PPP4R1: variants seen among roughly 807,000 people sequenced by gnomAD.
The protein encoded by PPP4R1 is protein phosphatase 4 regulatory subunit 1, also known as serine/threonine-protein phosphatase 4 regulatory subunit 1.
A neutral mutation model predicts 111.2 loss-of-function variants in PPP4R1; 42 were observed. The ratio of observed to expected loss-of-function variants is 0.38; its 90% CI spans 0.29 to 0.49. The LOEUF (loss-of-function observed/expected upper bound fraction) is 0.49. Among genes scored for constraint, PPP4R1 ranks in the 20% least tolerant of loss-of-function variants. PPP4R1 has a pLI of 0.97. For synonymous variants in PPP4R1, 409 were observed against 405.5 expected (o/e 1.01, Z -0.10); for missense variants, 1,012 against 1,161.6 (o/e 0.87, Z 1.87).
chr18:9,586,751 T>C (rs973343109), intron 6 of PPP4R1, among the ~76,000 whole-genome samples: 3 of 152,146 alleles, frequency 2.0e-5, no homozygotes, highest in African/African-American at 7.2e-5. Context: ...ACTCTTACTA[T>C]CCAAATAGAT....
Position 9,547,522 on chromosome 18 carries a change from C to G in PPP4R1, c.*267G>C, listed in dbSNP as rs1031221158. On this transcript the variant is annotated 3_prime_UTR_variant, in exon 20 of 20. Coordinates refer to ENST00000400556, the MANE Select transcript of PPP4R1 (RefSeq NM_001042388.3). The stretch of plus-strand genomic sequence containing the variant: ...TTCAAGTTTCATTCAGTCAGGAAGA[C>G]AGAAGGATTTAAGGCTTCGGTGACA... 4 of 323,410 alleles carry G rather than the reference C, an allele frequency of 1.2e-5. No homozygotes were observed. The highest frequency in any genetic ancestry group is 8.3e-5 in the African/African-American group (4 of 48,394). 20.0% of individuals were successfully genotyped at this position (323,410 alleles called of 1,614,324 possible).
At chr18:9,550,714 G>A (rs1203828532) in intron 16 of PPP4R1, 2 of 242,684 alleles carry the variant, frequency 8.2e-6, no homozygotes, top group Non-Finnish European at 1.6e-5. Flanking sequence ...ACTGATCCAT[G>A]GTCACAGTTT....
chr18:9,615,831 T>C (rs1169367195), upstream of PPP4R1, among the ~76,000 whole-genome samples: 2 of 152,204 alleles, frequency 1.3e-5, no homozygotes, highest in African/African-American at 4.8e-5. Flanking sequence ...ACTGAAGATT[T>C]AAGAGACTAA....
In PPP4R1 at chr18:9,548,102, G is replaced by T. The variant is rs1261229378; in HGVS notation, c.2690-150C>A. On this transcript the variant is annotated intron_variant, in intron 19 of 19. Transcript: ENST00000400556. Reference sequence around the variant, plus strand: ...CATAAACAGTAATCCAAACTGATTTGTTATAGGAAGAAAAAGTGCCAGAAT... The same window carrying T: ...CATAAACAGTAATCCAAACTGATTTTTTATAGGAAGAAAAAGTGCCAGAAT... 5.3e-6 allele frequency: 4 copies of T among 754,356 alleles called. No homozygotes were observed. The Admixed American group carries it at 1.2e-4, about 23-fold the overall frequency. The allele number at this position is 754,356 out of a possible 1,614,324, so 46.7% of individuals were successfully genotyped here.
In PPP4R1 at chr18:9,596,076, C is replaced by T. The variant is rs546878661; in HGVS notation, c.53-923G>A. Among the ~76,000 whole-genome samples the T allele has an allele frequency of 1.5e-4, 23 of 152,200 alleles. 1 individual carries two copies. The South Asian group carries it at 4.8e-3, about 32-fold the overall frequency. On this transcript the variant is annotated intron_variant, in intron 2 of 19. Transcript: ENST00000400556. ...CAAAATATACTTTCCAGAACTGTGG[C>T]TGTGATATAGTAAACTGGATTAGAT...
At chr18:9,584,675 T>TAGA in intron 7 of PPP4R1, 46 bp downstream of exon 7, 2 of 1,605,114 alleles carry the variant, frequency 1.2e-6, no homozygotes, top group Non-Finnish European at 1.7e-6. Flanking sequence ...CATTAACCAC[T>TAGA]AGAACTATGT....
chr18:9,594,683 C>T (rs2145256787), intron 3 of PPP4R1: 1 of 208,850 alleles, frequency 4.8e-6, no homozygotes, highest in Middle Eastern at 1.9e-3. Context: ...TGAGCATCAC[C>T]CGTCATACAG....
intron 3 of PPP4R1, 135 bp downstream of exon 3, chr18:9,594,883 T>C (rs756144741): frequency 2.3e-5 from 25 of 1,071,006 alleles, no homozygotes; most frequent in Non-Finnish European, 3.3e-5. Flanking sequence ...CATGCTGTGA[T>C]TATGAATAAA....
intron 10 of PPP4R1, among the ~76,000 whole-genome samples, chr18:9,576,827 CT>C (rs2066943713): frequency 6.6e-6 from 1 of 152,184 alleles, no homozygotes; most frequent in Non-Finnish European, 1.5e-5. Context: ...TGCGAGGCAT[CT>C]AGCTAATTGT....
rs2067643677 is a variant in PPP4R1, at chr18:9,614,247, G to C, written c.31C>G (p.Leu11Val). MADLSLLQED[L>V]QEDADGFGVD... ...TCACATCCGTCTGCGTCCTCCTGCAGGTCCTCCTGAAGCAGCGAGAGGTCT... is the reference window on the plus strand; with the variant it reads ...TCACATCCGTCTGCGTCCTCCTGCACGTCCTCCTGAAGCAGCGAGAGGTCT... Residue 11 changes from leucine (L) to valine (V), a missense_variant, in exon 2 of 20, where the codon CTG (leucine) becomes GTG (valine). Transcript: ENST00000400556. This position sits in a 1 kb window ranked among gnomAD's most constrained non-coding sequence, Gnocchi z 4.1. 4.4e-6 allele frequency: 6 copies of C among 1,361,898 alleles called. No individual in the cohort carries two copies. Among genetic ancestry groups the C allele is most frequent in the Non-Finnish European group, 5.7e-6 (6 of 1,044,320 alleles). 84.4% of individuals were successfully genotyped at this position (1,361,898 alleles called of 1,614,324 possible).
chr18:9,553,513 G>T, intron 15 of PPP4R1, 91 bp from the exon 16 acceptor site: 3 of 780,528 alleles, frequency 3.8e-6, no homozygotes, highest in Non-Finnish European at 6.2e-6. Context: ...TAAGCAATAT[G>T]GTTAATTCTT....
At chr18:9,606,001 G>A (rs1405788205) in intron 2 of PPP4R1, among the ~76,000 whole-genome samples, 1 of 152,198 alleles carries the variant, frequency 6.6e-6, no homozygotes, top group Non-Finnish European at 1.5e-5. Flanking sequence ...TAATTCAGGT[G>A]AAGAGTTGGG....
At chr18:9,592,623 A>AT (rs2067230576) in intron 4 of PPP4R1, among the ~76,000 whole-genome samples, 1 of 151,768 alleles carries the variant, frequency 6.6e-6, no homozygotes, top group Non-Finnish European at 1.5e-5. Flanking sequence ...GACATTTACT[A>AT]TGAATTTACC....
intron 18 of PPP4R1, among the ~76,000 whole-genome samples, chr18:9,549,634 G>A (rs2144959928): frequency 6.6e-6 from 1 of 152,278 alleles, no homozygotes; most frequent in East Asian, 1.9e-4. Flanking sequence ...ACCGTGGTAT[G>A]GTATATGTGT....
chr18:9,569,798 A>G (rs947373492), intron 11 of PPP4R1, among the ~76,000 whole-genome samples: 2 of 152,106 alleles, frequency 1.3e-5, no homozygotes, highest in Non-Finnish European at 2.9e-5. Flanking sequence ...CTTTGACACC[A>G]TTTGAACTTA....
chr18:9,615,050 C>G (rs975363979), upstream of PPP4R1: 1 of 152,226 alleles, frequency 6.6e-6, no homozygotes, highest in Non-Finnish European at 1.5e-5. Flanking sequence ...GGGGCGGCTC[C>G]GAGGTCGTCG....
At chr18:9,562,789 T>C in intron 12 of PPP4R1, 2 of 848,678 alleles carry the variant, frequency 2.4e-6, no homozygotes, top group Non-Finnish European at 2.8e-6. Flanking sequence ...TCTCCCCATT[T>C]GTATAAACAA....
intron 2 of PPP4R1, among the ~76,000 whole-genome samples, chr18:9,602,260 G>A (rs773879187): frequency 3.3e-5 from 5 of 151,342 alleles, no homozygotes; most frequent in African/African-American, 7.3e-5. Context: ...GGCCAGGCGC[G>A]GTGGCTCACG....
intron 2 of PPP4R1, among the ~76,000 whole-genome samples, chr18:9,597,030 G>A (rs2067300847): frequency 6.6e-6 from 1 of 152,158 alleles, no homozygotes; most frequent in African/African-American, 2.4e-5. Flanking sequence ...CTACTTAGGA[G>A]GCTGAAGCAG....
Sources: allele counts gnomAD v4.1 joint callset (sites outside exome capture counted in the v4.1 genomes callset), GRCh38; gene constraint gnomAD v4.1.1; non-coding constraint Gnocchi (gnomAD v3.1); transcripts MANE v1.5; gene names NCBI Gene and HGNC (gene_info 2026-07-23, HGNC 2026-07-21).